Variants in PPARD observed in about 807,000 individuals in gnomAD.
PPARD encodes the protein peroxisome proliferator activated receptor delta.
A neutral mutation model predicts 39.5 loss-of-function variants in PPARD; 6 were observed. That is an observed-to-expected ratio of 0.15 (90% CI 0.08 to 0.30). The LOEUF is 0.30. Ranked by LOEUF, PPARD falls within the 10% of genes least tolerant of loss-of-function variation. PPARD has a pLI of 1.00. For missense variants in PPARD, 397 were observed against 596.8 expected (o/e 0.67, Z 3.49); for synonymous variants, 210 against 231.3 (o/e 0.91, Z 0.83).
chr6:35,399,490 G>T (rs570199597), intron 2 of PPARD, among the ~76,000 whole-genome samples: 2 of 151,214 alleles, frequency 1.3e-5, no homozygotes, highest in Admixed American at 6.6e-5. Context: ...AGGATCACTT[G>T]TGATCCGGGA....
intron 2 of PPARD, among the ~76,000 whole-genome samples, chr6:35,352,918 C>T (rs1761349919): frequency 6.6e-6 from 1 of 152,174 alleles, no homozygotes; most frequent in Non-Finnish European, 1.5e-5. Flanking sequence ...CCTCTATTCC[C>T]TTGGTCTCAG....
At chr6:35,423,662 G>C (rs940324255) in intron 5 of PPARD, among the ~76,000 whole-genome samples, 5 of 152,080 alleles carry the variant, frequency 3.3e-5, no homozygotes, top group African/African-American at 9.7e-5. Flanking sequence ...AGCTAGCGTA[G>C]CTCAGTCACT....
chr6:35,417,188 G>T (rs981730349), intron 3 of PPARD, among the ~76,000 whole-genome samples: 1 of 151,894 alleles, frequency 6.6e-6, no homozygotes, highest in Non-Finnish European at 1.5e-5. Flanking sequence ...TATAGAGATA[G>T]AGACAGGGTC....
At chr6:35,404,394 A>T (rs890528866) in intron 2 of PPARD, among the ~76,000 whole-genome samples, 3 of 152,180 alleles carry the variant, frequency 2.0e-5, no homozygotes, top group African/African-American at 7.2e-5. Flanking sequence ...AGCTAGTACT[A>T]TTGTGATGGA....
At chr6:35,370,934 T>C (rs1762451280) in intron 2 of PPARD, among the ~76,000 whole-genome samples, 1 of 152,170 alleles carries the variant, frequency 6.6e-6, no homozygotes, top group Admixed American at 6.5e-5. Context: ...CTGCTCATTC[T>C]TTTCTTCTTC....
chr6:35,414,903 A>T (rs985830734), intron 3 of PPARD, among the ~76,000 whole-genome samples: 3 of 151,514 alleles, frequency 2.0e-5, no homozygotes, highest in Non-Finnish European at 4.4e-5. Context: ...GCACCTTCTC[A>T]CCCTCCCCCC....
At chr6:35,377,435 C>A (rs1762872042) in intron 2 of PPARD, among the ~76,000 whole-genome samples, 1 of 152,132 alleles carries the variant, frequency 6.6e-6, no homozygotes, top group Non-Finnish European at 1.5e-5. Flanking sequence ...ATGATGCAGC[C>A]CATTCTACCT....
intron 2 of PPARD, among the ~76,000 whole-genome samples, chr6:35,387,000 GACAAATATA>G (rs1763706422): frequency 6.6e-6 from 1 of 150,880 alleles, no homozygotes; most frequent in Non-Finnish European, 1.5e-5. Context: ...CCCACCTCCT[GACAAATATA>G]TAAACTGGAA....
chr6:35,371,215 TGGACCCTGCCCCCTA>T (rs1762462882), intron 2 of PPARD, among the ~76,000 whole-genome samples: 1 of 152,192 alleles, frequency 6.6e-6, no homozygotes, highest in Non-Finnish European at 1.5e-5. Context: ...AGAAAGAGAC[TGGACCCTGCCCCCTA>T]GGAGGGTAAA....
chr6:35,397,611 G>A (rs201643267), intron 2 of PPARD: 10 of 950,742 alleles, frequency 1.1e-5, no homozygotes, highest in African/African-American at 1.8e-5. Context: ...GTGAACAGAC[G>A]TCTTTTTGCA....
At chr6:35,419,819 A>C (rs1470162750) in intron 3 of PPARD, among the ~76,000 whole-genome samples, 1 of 151,944 alleles carries the variant, frequency 6.6e-6, no homozygotes, top group Non-Finnish European at 1.5e-5. Context: ...CCTCCTCCCC[A>C]CTGCTACCCC....
intron 5 of PPARD, 43 bp downstream of exon 5, chr6:35,422,001 C>G (rs190870080): frequency 6.4e-7 from 1 of 1,557,978 alleles, no homozygotes; most frequent in South Asian, 1.2e-5. Context: ...TGGCTCCACA[C>G]AGCCTGAAAC....
intron 3 of PPARD, among the ~76,000 whole-genome samples, chr6:35,419,860 C>G (rs1215834971): frequency 1.3e-5 from 2 of 152,168 alleles, no homozygotes; most frequent in African/African-American, 2.4e-5. Flanking sequence ...AGCCTCTGAC[C>G]CAGCCCTGAT....
chr6:35,357,270 A>T (rs992962133), intron 2 of PPARD, among the ~76,000 whole-genome samples: 5 of 152,152 alleles, frequency 3.3e-5, no homozygotes, highest in African/African-American at 1.2e-4. Context: ...CACTCATGAG[A>T]GGCGGCACTT....
At chr6:35,348,094 G>A (rs2150418748) in intron 2 of PPARD, among the ~76,000 whole-genome samples, 1 of 151,954 alleles carries the variant, frequency 6.6e-6, no homozygotes, top group African/African-American at 2.4e-5. Context: ...TTTTAGTAGA[G>A]ACGGGGTTTC....
intron 5 of PPARD, among the ~76,000 whole-genome samples, chr6:35,422,272 G>A (rs1766221976): frequency 6.6e-6 from 1 of 152,188 alleles, no homozygotes; most frequent in Admixed American, 6.5e-5. Context: ...TGAACAATTT[G>A]GGGAACACCA....
At chr6:35,406,580 G>T (rs1399117864) in intron 2 of PPARD, among the ~76,000 whole-genome samples, 1 of 152,198 alleles carries the variant, frequency 6.6e-6, no homozygotes, top group Non-Finnish European at 1.5e-5. Flanking sequence ...CCAGGCTACA[G>T]CTCCCCTTCC....
chr6:35,381,200 G>T (rs977824998), intron 2 of PPARD, among the ~76,000 whole-genome samples: 1 of 151,922 alleles, frequency 6.6e-6, no homozygotes, highest in African/African-American at 2.4e-5. Flanking sequence ...CTTCCTTCTA[G>T]TGCTTCTGTC....
At chr6:35,406,440 T>C in intron 2 of PPARD, among the ~76,000 whole-genome samples, 1 of 152,108 alleles carries the variant, frequency 6.6e-6, no homozygotes, top group East Asian at 1.9e-4. Context: ...ATGACAGACC[T>C]CAGCTGTAGA....
Sources: allele counts gnomAD v4.1 joint callset (sites outside exome capture counted in the v4.1 genomes callset), GRCh38; gene constraint gnomAD v4.1.1; transcripts MANE v1.5; gene names NCBI Gene and HGNC (gene_info 2026-07-23, HGNC 2026-07-21).